MOBP: variants seen among roughly 807,000 people sequenced by gnomAD.
The protein encoded by MOBP is myelin-associated oligodendrocyte basic protein.
Under a neutral mutation model 15.0 loss-of-function variants are expected in MOBP, and 5 were observed. The ratio of observed to expected loss-of-function variants is 0.33; its 90% CI spans 0.17 to 0.70. MOBP has a LOEUF of 0.70. Ranked by LOEUF, MOBP falls within the 30% of genes least tolerant of loss-of-function variation. The pLI is 0.67. For synonymous variants in MOBP, 88 were observed against 99.0 expected (o/e 0.89, Z 0.66); for missense variants, 188 against 257.8 (o/e 0.73, Z 1.85).
intron 4 of MOBP, among the ~76,000 whole-genome samples, chr3:39,509,609 C>T (rs1354490348): frequency 6.6e-6 from 1 of 152,072 alleles, no homozygotes; most frequent in Non-Finnish European, 1.5e-5. Context: ...AGATACAAGA[C>T]ATTTATAAAC....
At chr3:39,518,524 T>G (rs144245916), downstream of MOBP, among the ~76,000 whole-genome samples, 23 of 152,238 alleles carry the variant, frequency 1.5e-4, no homozygotes, top group East Asian at 3.9e-3. Flanking sequence ...CTACCCTTCA[T>G]GCAGAAAGAA....
chr3:39,486,555 G>A (rs1414087061), intron 2 of MOBP, among the ~76,000 whole-genome samples: 2 of 152,060 alleles, frequency 1.3e-5, no homozygotes, highest in African/African-American at 4.8e-5. Context: ...CTTACCCTCC[G>A]AAGTGGCTCT....
At chr3:39,481,581 C>T (rs1020653424) in intron 2 of MOBP, among the ~76,000 whole-genome samples, 2 of 152,210 alleles carry the variant, frequency 1.3e-5, no homozygotes, top group African/African-American at 4.8e-5. Context: ...CCAAACATCT[C>T]CCTCTGCCCC....
intron 2 of MOBP, among the ~76,000 whole-genome samples, chr3:39,487,911 A>G (rs1439253301): frequency 1.3e-5 from 2 of 152,162 alleles, no homozygotes; most frequent in Non-Finnish European, 2.9e-5. Context: ...TGGTGATTTT[A>G]GTAAGAAATG....
intron 2 of MOBP, among the ~76,000 whole-genome samples, chr3:39,486,156 T>C (rs2125637213): frequency 6.6e-6 from 1 of 152,320 alleles, no homozygotes; most frequent in African/African-American, 2.4e-5. Context: ...GGTGTCAGGG[T>C]TAGGCATACA....
chr3:39,521,231 GTGA>G (rs1354561930), intron 3 of MOBP, among the ~76,000 whole-genome samples: 2 of 152,182 alleles, frequency 1.3e-5, no homozygotes, highest in Non-Finnish European at 2.9e-5. Context: ...GATTATAGGT[GTGA>G]GCCACAATGC....
chr3:39,484,695 G>A (rs1359399844), intron 2 of MOBP, among the ~76,000 whole-genome samples: 6 of 152,190 alleles, frequency 3.9e-5, no homozygotes, highest in African/African-American at 1.4e-4. Flanking sequence ...CTTCTTGAAT[G>A]TTTATCTGGC....
At position 39,502,966 on chromosome 3, in the gene MOBP, C is replaced by A; in HGVS notation, c.*86C>A. ...AACACCGGGCTGTCTCCATGGCCCT[C>A]TTCAGCCTTATTACCCAACCTGTGT... is the stretch of plus-strand genomic sequence containing the variant. On this transcript the variant is annotated 3_prime_UTR_variant, in exon 4 of 4. Transcript: ENST00000684792. The surrounding 1 kb of genome is among the most constrained non-coding windows in gnomAD (Gnocchi z 6.3). The A allele has an allele frequency of 3.0e-6, 2 of 656,890 alleles. No individual in the cohort carries two copies. Among genetic ancestry groups the A allele is most frequent in the South Asian group, 2.0e-5 (1 of 50,954 alleles). 40.7% of individuals were successfully genotyped at this position (656,890 alleles called of 1,614,324 possible).
At chr3:39,500,694 C>T (rs2042957022) in intron 2 of MOBP, among the ~76,000 whole-genome samples, 1 of 152,038 alleles carries the variant, frequency 6.6e-6, no homozygotes, top group Admixed American at 6.6e-5. Context: ...AATACCTTTT[C>T]AAGAACTTTA....
downstream of MOBP, among the ~76,000 whole-genome samples, chr3:39,519,062 G>A (rs2043235948): frequency 6.6e-6 from 1 of 152,160 alleles, no homozygotes; most frequent in Admixed American, 6.5e-5. Context: ...TTTGCTACCT[G>A]TAATTTTTGT....
chr3:39,468,936 T>TTGTGTGTATATATACATATATACATA (rs2042400009), intron 1 of MOBP, among the ~76,000 whole-genome samples: 4 of 54,034 alleles, frequency 7.4e-5, no homozygotes, highest in African/African-American at 2.2e-4. Flanking sequence ...CATATATACA[T>TTGTGTGTATATATACATATATACATA]TGTGTGTATA....
rs2042984109 is a variant in MOBP at position 39,502,363 on chromosome 3, C to T, written c.206+88C>T. ...CGCCCCTCCCGCTCCGCACCCCACT[C>T]TTCCCCCTAGTCGGCTCCGGGTTAG... On this transcript the variant is annotated intron_variant, in intron 3 of 3. Transcript: ENST00000684792. The surrounding 1 kb of genome is among the most constrained non-coding windows in gnomAD (Gnocchi z 6.3). 1.3e-6 allele frequency: 2 copies of T among 1,581,112 alleles called. No homozygotes were observed. The highest frequency in any genetic ancestry group is 1.1e-5 in the South Asian group (1 of 87,402).
chr3:39,505,747 C>T (rs2043040181), downstream of MOBP, among the ~76,000 whole-genome samples: 1 of 152,160 alleles, frequency 6.6e-6, no homozygotes, highest in South Asian at 2.1e-4. Context: ...AGCCTTAACC[C>T]AATTGTCTCT....
chr3:39,516,072 G>A (rs1456678398), downstream of MOBP: 1 of 152,270 alleles, frequency 6.6e-6, no homozygotes, highest in African/African-American at 2.4e-5. Flanking sequence ...AGAAGTCAAA[G>A]GTGTCTGTTG....
intron 1 of MOBP, among the ~76,000 whole-genome samples, chr3:39,468,159 T>C (rs1708085): frequency 0.11 from 17,250 of 151,960 alleles, 1,892 homozygotes; most frequent in African/African-American, 0.28. Context: ...CTAGGAACAA[T>C]TTTTTTCCTC....
chr3:39,478,066 A>G (rs955728389), intron 1 of MOBP, among the ~76,000 whole-genome samples: 1 of 152,182 alleles, frequency 6.6e-6, no homozygotes, highest in African/African-American at 2.4e-5. Flanking sequence ...AGTGTAGCCT[A>G]AGTATATAGC....
chr3:39,498,007 A>T (rs973762291), intron 2 of MOBP, among the ~76,000 whole-genome samples: 8 of 152,244 alleles, frequency 5.3e-5, no homozygotes, highest in African/African-American at 1.4e-4. Context: ...TGTGATTGGT[A>T]TAAGACTGGG....
At chr3:39,498,607 C>A (rs1277901750) in intron 2 of MOBP, among the ~76,000 whole-genome samples, 1 of 152,024 alleles carries the variant, frequency 6.6e-6, no homozygotes. Context: ...CCAGTCTTTT[C>A]AAAAATATAA....
downstream of MOBP, among the ~76,000 whole-genome samples, chr3:39,506,176 G>A (rs9863484): frequency 0.031 from 4,653 of 152,050 alleles, 248 homozygotes; most frequent in African/African-American, 0.11. Context: ...GCATTTTGAC[G>A]TGTTTTGCTC....
Sources: allele counts gnomAD v4.1 joint callset (sites outside exome capture counted in the v4.1 genomes callset), GRCh38; gene constraint gnomAD v4.1.1; non-coding constraint Gnocchi (gnomAD v3.1); transcripts MANE v1.5; gene names NCBI Gene and HGNC (gene_info 2026-07-23, HGNC 2026-07-21).